The following SLC19A2 variants were observed in gnomAD, a reference collection of about 807,000 sequenced individuals.
SLC19A2 encodes the protein solute carrier family 19 member 2, also known as thiamine transporter 1.
Under a neutral mutation model 44.7 loss-of-function variants are expected in SLC19A2, and 27 were observed. That is an observed-to-expected ratio of 0.60 (90% CI 0.45 to 0.83). The LOEUF (loss-of-function observed/expected upper bound fraction) is 0.83, where lower values mean the gene tolerates loss of function less well. SLC19A2 is among the 40% of genes least tolerant of loss of function. The pLI, the probability that SLC19A2 is intolerant of heterozygous loss-of-function variation, is 0.00. For synonymous variants in SLC19A2, 239 were observed against 243.6 expected (o/e 0.98, Z 0.18); for missense variants, 566 against 613.7 (o/e 0.92, Z 0.82).
intron 2 of SLC19A2, 36 bp downstream of exon 2, chr1:169,477,119 T>G (rs1310298087): frequency 1.2e-6 from 2 of 1,611,946 alleles, no homozygotes; most frequent in Admixed American, 3.3e-5. Context: ...CCAGCCCCCA[T>G]AGTAGCAATT....
intron 2 of SLC19A2, among the ~76,000 whole-genome samples, chr1:169,471,922 T>G (rs539038147): frequency 6.6e-6 from 1 of 152,174 alleles, no homozygotes; most frequent in South Asian, 2.1e-4. Flanking sequence ...TTTGTGCTGT[T>G]TAGCCCAGAG....
chr1:169,472,688 A>G (rs1279303492), intron 2 of SLC19A2, among the ~76,000 whole-genome samples: 1 of 152,226 alleles, frequency 6.6e-6, no homozygotes, highest in African/African-American at 2.4e-5. Flanking sequence ...TAACTACTCA[A>G]TCTATTATCT....
chr1:169,481,828 T>C (rs1253759973), intron 1 of SLC19A2, among the ~76,000 whole-genome samples: 1 of 152,252 alleles, frequency 6.6e-6, no homozygotes, highest in East Asian at 1.9e-4. Flanking sequence ...GGCTTTAAAT[T>C]AGAATCAAGT....
At position 169,477,376 on chromosome 1, in the gene SLC19A2, T is replaced by G; in HGVS notation, c.586A>C (p.Thr196Pro). Reference protein sequence around the residue: ...SLFSLNVISLTCVSVAFAVAW... With the variant: ...SLFSLNVISLPCVSVAFAVAW... The stretch of plus-strand genomic sequence containing the variant: ...ACAGCAAAAGCCACTGAAACACAGG[T>G]AAGAGAGATGACATTCAGGCTGAAC... The change falls in exon 2 of 6, where the codon ACC becomes CCC. Residue 196 changes from threonine to proline, a missense_variant. Coordinates refer to ENST00000236137, the MANE Select transcript of SLC19A2 (RefSeq NM_006996.3). 2 of 1,614,076 alleles carry G rather than the reference T, an allele frequency of 1.2e-6. No individual in the cohort carries two copies. Among genetic ancestry groups the G allele is most frequent in the East Asian group, 2.2e-5 (1 of 44,876 alleles).
chr1:169,485,943 C>G lies in SLC19A2; in HGVS notation c.-177G>C. ...CCCCAGCTTTACCCTACAGACGCCTCTAGGGTCGCTGCCTGATCGCCCAGT... is the reference window on the plus strand; with the variant it reads ...CCCCAGCTTTACCCTACAGACGCCTGTAGGGTCGCTGCCTGATCGCCCAGT... On this transcript the variant is annotated 5_prime_UTR_variant, in exon 1 of 6. Transcript: ENST00000236137. The G allele has an allele frequency of 1.4e-6, 1 of 732,894 alleles. No homozygotes were observed. Among genetic ancestry groups the G allele is most frequent in the Non-Finnish European group, 2.2e-6 (1 of 460,504 alleles). The allele number at this position is 732,894 out of a possible 1,614,324, so 45.4% of individuals were successfully genotyped here.
rs150177200 is a variant in SLC19A2 at position 169,470,271 on chromosome 1, C to G, written c.808-85G>C. On this transcript the variant is annotated intron_variant, in intron 2 of 5. Transcript: ENST00000236137. ...TTTACAGGCCCAATTACTTACCTAA[C>G]AGACTTTTTTCCTTGTGAAAACTAA... The G allele has an allele frequency of 1.6e-3, 1,810 of 1,133,660 alleles. 30 individuals carry two copies. In the African/African-American group the frequency reaches 0.025, roughly 15 times the overall value. 70.2% of individuals were successfully genotyped at this position (1,133,660 alleles called of 1,614,324 possible).
At chr1:169,485,479 G>A in intron 1 of SLC19A2, 84 bp downstream of exon 1, 1 of 1,429,280 alleles carries the variant, frequency 7.0e-7, no homozygotes, top group South Asian at 1.2e-5. Flanking sequence ...TGGCTCGAGC[G>A]CTTTTCTCGG....
At chr1:169,466,695 C>G (rs1658001777) in intron 5 of SLC19A2, among the ~76,000 whole-genome samples, 1 of 152,020 alleles carries the variant, frequency 6.6e-6, no homozygotes, top group South Asian at 2.1e-4. Context: ...CCTCCCACCC[C>G]CCAACAGGCC....
chr1:169,477,571 A>T lies in SLC19A2; in HGVS notation c.391T>A (p.Tyr131Asn), dbSNP rs1257494661. 6.2e-7 allele frequency: 1 copy of T among 1,614,128 alleles called. No homozygotes were observed. Among genetic ancestry groups the T allele is most frequent in the Non-Finnish European group, 8.5e-7 (1 of 1,180,002 alleles). Residue 131 changes from tyrosine (Y) to asparagine (N), a missense_variant, in exon 2 of 6, where the codon TAT becomes AAT. By Grantham distance (143) the Tyr-to-Asn change is moderately radical. Coordinates refer to ENST00000236137, the MANE Select transcript of SLC19A2 (RefSeq NM_006996.3). Reference protein sequence around the residue: ...LLAIQFLEFFYGIATATEIAY... With the variant: ...LLAIQFLEFFNGIATATEIAY... Reference sequence around the variant, plus strand: ...ATTTCAGTGGCTGTGGCGATGCCATAAAAAAATTCTAGAAATTGAATGGCC... The same window carrying T: ...ATTTCAGTGGCTGTGGCGATGCCATTAAAAAATTCTAGAAATTGAATGGCC...
chr1:169,483,971 G>C (rs11589952), intron 1 of SLC19A2, among the ~76,000 whole-genome samples: 21,071 of 152,084 alleles, frequency 0.14, 2,128 homozygotes, highest in African/African-American at 0.28. Flanking sequence ...ATGAAATTTG[G>C]CTGTTTTGAC....
At chr1:169,480,986 AAC>A (rs1315273052) in intron 1 of SLC19A2, among the ~76,000 whole-genome samples, 2 of 152,228 alleles carry the variant, frequency 1.3e-5, no homozygotes, top group Non-Finnish European at 2.9e-5. Context: ...ACCTTGCAAT[AAC>A]AACTAAAAAC....
Position 169,469,980 on chromosome 1 carries a change from G to A in SLC19A2, c.1014C>T (p.Ala338=), listed in dbSNP as rs143780369. ...YAAIYNGGVE[A]VSTLLGAVAV... is the part of the protein sequence containing the mutation. The stretch of plus-strand genomic sequence containing the variant: ...ATTGCTTACCCAGTAAGGTTGAAAC[G>A]GCCTCCACGCCACCATTATAGATAG... The change falls in exon 3 of 6, where the codon GCC becomes GCT. Residue 338 remains alanine (A), a synonymous_variant. Coordinates refer to ENST00000236137, the MANE Select transcript of SLC19A2 (RefSeq NM_006996.3). 1.4e-5 allele frequency: 23 copies of A among 1,613,408 alleles called. No individual in the cohort carries two copies. The highest frequency in any genetic ancestry group is 5.5e-5 in the South Asian group (5 of 91,064).
At chr1:169,478,032 G>A (rs1171641923) in intron 1 of SLC19A2, among the ~76,000 whole-genome samples, 2 of 151,798 alleles carry the variant, frequency 1.3e-5, no homozygotes, top group Non-Finnish European at 2.9e-5. Context: ...TCAGCCTCCC[G>A]AATAGCTGAG....
chr1:169,485,545 C>G lies in SLC19A2; in HGVS notation c.204+18G>C. ...CCGGTCGCCCGCCCTTCCCGCGCCC[C>G]GCGTCCGCCGCGCGTACCTCCCTCT... On this transcript the variant is annotated intron_variant, in intron 1 of 5. Transcript: ENST00000236137. 2 of 1,573,010 alleles carry G rather than the reference C, an allele frequency of 1.3e-6. No individual in the cohort carries two copies. Among genetic ancestry groups the G allele is most frequent in the Non-Finnish European group, 1.7e-6 (2 of 1,159,754 alleles).
At chr1:169,482,248 A>G (rs1392541954) in intron 1 of SLC19A2, among the ~76,000 whole-genome samples, 1 of 151,460 alleles carries the variant, frequency 6.6e-6, no homozygotes, top group African/African-American at 2.4e-5. Context: ...AAAAAAAAAG[A>G]ATAAAATAAG....
At position 169,485,617 on chromosome 1, in the gene SLC19A2, C is replaced by T. The variant is rs1571542887; in HGVS notation, c.150G>A (p.Glu50=). Reference sequence around the variant, plus strand: ...CCAGCAGGTACGGGGTCAGGAAGGGCTCGGACGGCCTGAGGCTGGCGAAGA... The same window carrying T: ...CCAGCAGGTACGGGGTCAGGAAGGGTTCGGACGGCCTGAGGCTGGCGAAGA... ...YGFFASLRPS[E]PFLTPYLLGP... is the part of the protein sequence containing the mutation. The change falls in exon 1 of 6, where the codon GAG becomes GAA. Residue 50 remains glutamate (E), a synonymous_variant. Coordinates refer to ENST00000236137, the MANE Select transcript of SLC19A2 (RefSeq NM_006996.3). The T allele has an allele frequency of 8.3e-6, 13 of 1,572,960 alleles. No individual in the cohort carries two copies. The highest frequency in any genetic ancestry group is 1.0e-5 in the Non-Finnish European group (12 of 1,159,178).
At chr1:169,476,903 G>A (rs1219132635) in intron 2 of SLC19A2, among the ~76,000 whole-genome samples, 1 of 152,080 alleles carries the variant, frequency 6.6e-6, no homozygotes, top group Non-Finnish European at 1.5e-5. Context: ...TCTCTGACAT[G>A]AACAATATAA....
At chr1:169,478,723 T>C (rs1323549778) in intron 1 of SLC19A2, among the ~76,000 whole-genome samples, 1 of 151,810 alleles carries the variant, frequency 6.6e-6, no homozygotes, top group Non-Finnish European at 1.5e-5. Context: ...CCCCAATTAA[T>C]TCATAATACT....
At chr1:169,478,584 G>A (rs758188307) in intron 1 of SLC19A2, among the ~76,000 whole-genome samples, 1 of 138,964 alleles carries the variant, frequency 7.2e-6, no homozygotes, top group African/African-American at 2.7e-5. Flanking sequence ...CGTTACCCAG[G>A]CTGGTCTCAA....
Sources: allele counts gnomAD v4.1 joint callset (sites outside exome capture counted in the v4.1 genomes callset), GRCh38; gene constraint gnomAD v4.1.1; transcripts MANE v1.5; gene names NCBI Gene and HGNC (gene_info 2026-07-23, HGNC 2026-07-21).